Variants in GRIK1 observed in about 807,000 individuals in gnomAD.
GRIK1 encodes glutamate ionotropic receptor kainate type subunit 1.
Under a neutral mutation model 105.7 loss-of-function variants are expected in GRIK1, and 69 were observed. The observed-to-expected ratio is 0.65, with a 90% confidence interval of 0.54 to 0.80. The LOEUF (loss-of-function observed/expected upper bound fraction) is 0.80. Among genes scored for constraint, GRIK1 ranks in the 30% least tolerant of loss-of-function variants. GRIK1 has a pLI of 0.00. For synonymous variants in GRIK1, 438 were observed against 431.3 expected (o/e 1.02, Z -0.19); for missense variants, 1,109 against 1,167.3 (o/e 0.95, Z 0.73).
chr21:29,574,724 G>C (rs2090843224), intron 14 of GRIK1, among the ~76,000 whole-genome samples: 1 of 117,910 alleles, frequency 8.5e-6, no homozygotes, highest in African/African-American at 3.3e-5. Flanking sequence ...GTCTCGCTCT[G>C]TGGCCCAGGC....
At chr21:29,671,312 A>C (rs1444613828) in intron 4 of GRIK1, among the ~76,000 whole-genome samples, 1 of 151,942 alleles carries the variant, frequency 6.6e-6, no homozygotes, top group African/African-American at 2.4e-5. Context: ...TTTAGTAGAG[A>C]CAGGGTTTCA....
chr21:29,548,594 G>T (rs1331637751), intron 16 of GRIK1, among the ~76,000 whole-genome samples: 2 of 152,084 alleles, frequency 1.3e-5, no homozygotes, highest in African/African-American at 2.4e-5. Flanking sequence ...TCCTTTTGCT[G>T]TTAAAGGCTG....
intron 1 of GRIK1, among the ~76,000 whole-genome samples, chr21:29,707,281 AG>A (rs1374517665): frequency 6.6e-6 from 1 of 152,206 alleles, no homozygotes; most frequent in East Asian, 1.9e-4. Context: ...ATTGAAAGAA[AG>A]GGGAAAAAAC....
chr21:29,592,073 A>G (rs767892773), intron 9 of GRIK1, among the ~76,000 whole-genome samples: 8 of 152,158 alleles, frequency 5.3e-5, no homozygotes, highest in Non-Finnish European at 1.2e-4. Flanking sequence ...TTTTCTTTAA[A>G]AAGAGAAAGA....
Position 29,795,027 on chromosome 21 carries a change from A to ATTTTT in GRIK1, c.119-100965_119-100964insAAAAA, listed in dbSNP as rs1569102231. Among the ~76,000 whole-genome samples the ATTTTT allele has an allele frequency of 7.1e-3, 583 of 82,090 alleles. 29 individuals carry two copies. Among genetic ancestry groups the ATTTTT allele is most frequent in the African/African-American group, 8.4e-3 (199 of 23,724 alleles). 53.9% of individuals were successfully genotyped at this position (82,090 alleles called of 152,430 possible). ...CCAAGCTTCCTGATGCTTTGCTCTA[A>ATTTTT]ATTTTTTTTTTTTTTTTTTTTTTTT... On this transcript the variant is annotated intron_variant, in intron 1 of 17. Transcript: ENST00000327783.
intron 5 of GRIK1, among the ~76,000 whole-genome samples, chr21:29,652,503 A>T (rs909044914): frequency 2.6e-5 from 4 of 152,170 alleles, no homozygotes; most frequent in African/African-American, 9.7e-5. Context: ...TTAATAAGGG[A>T]ACCCATTCCC....
intron 1 of GRIK1, among the ~76,000 whole-genome samples, chr21:29,781,911 C>T (rs1470424604): frequency 6.7e-6 from 1 of 149,602 alleles, no homozygotes; most frequent in Non-Finnish European, 1.5e-5. Flanking sequence ...ACCTCATGAT[C>T]CACCCGCCTC....
At chr21:29,699,784 G>A (rs1410492334) in intron 1 of GRIK1, among the ~76,000 whole-genome samples, 1 of 151,880 alleles carries the variant, frequency 6.6e-6, no homozygotes, top group Non-Finnish European at 1.5e-5. Context: ...TAGTAGCTGG[G>A]ATTACAGGCA....
intron 7 of GRIK1, among the ~76,000 whole-genome samples, chr21:29,609,938 A>G (rs1299848672): frequency 6.6e-6 from 1 of 152,170 alleles, no homozygotes; most frequent in African/African-American, 2.4e-5. Context: ...CCAGGAATGT[A>G]TCTGGTTTAT....
At chr21:29,573,258 C>A (rs1460110917) in intron 14 of GRIK1, among the ~76,000 whole-genome samples, 1 of 152,118 alleles carries the variant, frequency 6.6e-6, no homozygotes, top group South Asian at 2.1e-4. Context: ...ATTTTCAGGA[C>A]CAGGGAGAAA....
intron 1 of GRIK1, among the ~76,000 whole-genome samples, chr21:29,880,658 A>G (rs2069373623): frequency 6.6e-6 from 1 of 152,136 alleles, no homozygotes; most frequent in Non-Finnish European, 1.5e-5. Flanking sequence ...ATTGTCTGTG[A>G]CAACTTTACA....
rs71191125 is a variant in GRIK1, at chr21:29,781,657, CTTTTTTTTTTTTT to C, written c.119-87607_119-87595del. Reference sequence around the variant, plus strand: ...TACATGTGCACCTAACCTACTGTTTCTTTTTTTTTTTTTTTTTTTTTTTTGAGACGGAGTCTCG... The same window carrying C: ...TACATGTGCACCTAACCTACTGTTTCTTTTTTTTTTTGAGACGGAGTCTCG... On this transcript the variant is annotated intron_variant, in intron 1 of 17. Coordinates refer to ENST00000327783, the MANE Select transcript of GRIK1 (RefSeq NM_001330994.2). Among the ~76,000 whole-genome samples, 4 of 69,260 alleles carry C rather than the reference CTTTTTTTTTTTTT, an allele frequency of 5.8e-5. 1 individual carries two copies. The highest frequency in any genetic ancestry group is 1.0e-4 in the Non-Finnish European group (4 of 39,238). The allele number at this position is 69,260 out of a possible 152,430, so 45.4% of individuals were successfully genotyped here.
chr21:29,847,929 TCA>T (rs373282374), intron 1 of GRIK1, among the ~76,000 whole-genome samples: 1 of 151,484 alleles, frequency 6.6e-6, no homozygotes, highest in African/African-American at 2.4e-5. Context: ...TCTCTCTCTC[TCA>T]CACACACACA....
chr21:29,543,960 C>A (rs2090011691), intron 16 of GRIK1, among the ~76,000 whole-genome samples: 1 of 152,144 alleles, frequency 6.6e-6, no homozygotes, highest in Non-Finnish European at 1.5e-5. Context: ...TTGCTAATGT[C>A]ATGTTTTCAT....
rs572234955 is a variant in GRIK1 at position 29,705,802 on chromosome 21, G to T, written c.119-11739C>A. 2.9e-3 allele frequency among the ~76,000 whole-genome samples: 444 copies of T among 151,980 alleles called. 3 individuals are homozygous for T. The highest frequency in any genetic ancestry group is 4.3e-3 in the Non-Finnish European group (294 of 67,984). On this transcript the variant is annotated intron_variant, in intron 1 of 17. Transcript: ENST00000327783. ...TATCTCACAGATATGTTGCAGGTAAGGTGCATGTCCATGACATTTAATGTA... is the reference window on the plus strand; with the variant it reads ...TATCTCACAGATATGTTGCAGGTAATGTGCATGTCCATGACATTTAATGTA...
chr21:29,903,472 AG>A (rs2070488371), intron 1 of GRIK1, among the ~76,000 whole-genome samples: 1 of 152,228 alleles, frequency 6.6e-6, no homozygotes, highest in Non-Finnish European at 1.5e-5. Context: ...AAATGGTCAA[AG>A]AATATGAACA....
rs56017389 is a variant in GRIK1 at position 29,712,083 on chromosome 21, T to TACACACACACACACAC, written c.119-18036_119-18021dup. 6.0e-3 allele frequency among the ~76,000 whole-genome samples: 818 copies of TACACACACACACACAC among 135,318 alleles called. 5 individuals carry two copies. Among genetic ancestry groups the TACACACACACACACAC allele is most frequent in the African/African-American group, 8.1e-3 (301 of 37,114 alleles). The allele number at this position is 135,318 out of a possible 152,430, so 88.8% of individuals were successfully genotyped here. A position where few individuals can be genotyped will look rare whatever the true frequency, so the allele number is the denominator to read the frequency against. On this transcript the variant is annotated intron_variant, in intron 1 of 17. Coordinates refer to ENST00000327783, the MANE Select transcript of GRIK1 (RefSeq NM_001330994.2). ...GTATATAAGTATATGTATACATACA[T>TACACACACACACACAC]ACACACACACACACACACACACACA...
chr21:29,857,838 T>G, intron 1 of GRIK1, among the ~76,000 whole-genome samples: 1 of 152,210 alleles, frequency 6.6e-6, no homozygotes, highest in East Asian at 1.9e-4. Context: ...CACCTTCAGC[T>G]CGAACATCAA....
At chr21:29,902,140 T>G (rs886308966) in intron 1 of GRIK1, among the ~76,000 whole-genome samples, 2 of 152,154 alleles carry the variant, frequency 1.3e-5, no homozygotes, top group African/African-American at 4.8e-5. Flanking sequence ...GTTGGTGGAA[T>G]GTATCTCAAA....
Sources: gnomAD v4.1 joint callset for allele counts (sites outside exome capture counted in the v4.1 genomes callset) on GRCh38, gnomAD v4.1.1 for gene constraint, MANE v1.5 for transcripts, NCBI Gene and HGNC (gene_info 2026-07-23, HGNC 2026-07-21) for gene names.